The following RIC1 variants were observed in gnomAD, a reference collection of about 807,000 sequenced individuals.
The protein encoded by RIC1 is guanine nucleotide exchange factor subunit RIC1.
A neutral mutation model predicts 169.0 loss-of-function variants in RIC1; 88 were observed. The observed-to-expected ratio is 0.52, with a 90% CI of 0.44 to 0.62. The LOEUF (loss-of-function observed/expected upper bound fraction) is 0.62. Ranked by LOEUF, RIC1 falls within the 20% of genes least tolerant of loss-of-function variation. RIC1 has a pLI of 0.00. For synonymous variants in RIC1, 790 were observed against 601.5 expected, an observed-to-expected ratio of 1.31 and a Z score of -4.59; for missense variants, 1,877 against 1,725.5, an observed-to-expected ratio of 1.09 and a Z score of -1.56.
At chr9:5,721,835 C>T (rs1823607508) in intron 6 of RIC1, among the ~76,000 whole-genome samples, 2 of 151,888 alleles carry the variant, frequency 1.3e-5, no homozygotes, top group South Asian at 2.1e-4. Flanking sequence ...GTGTAAATAT[C>T]CTCCCAGCTT....
intron 19 of RIC1, among the ~76,000 whole-genome samples, chr9:5,764,908 G>T (rs1826601655): frequency 6.6e-6 from 1 of 152,174 alleles, no homozygotes; most frequent in Admixed American, 6.6e-5. Context: ...AGATAGGCAG[G>T]TTAAATTTGT....
chr9:5,686,782 A>AT (rs1217677816), intron 2 of RIC1, among the ~76,000 whole-genome samples: 19 of 130,832 alleles, frequency 1.5e-4, no homozygotes, highest in Admixed American at 2.2e-4. Context: ...TATAATAATA[A>AT]AAAAAAAGAA....
intron 6 of RIC1, among the ~76,000 whole-genome samples, chr9:5,722,705 C>A (rs377393745): frequency 4.6e-5 from 7 of 152,210 alleles, no homozygotes; most frequent in African/African-American, 9.6e-5. Context: ...ATCCCTCCCC[C>A]CCTCGCCCCA....
intron 2 of RIC1, among the ~76,000 whole-genome samples, chr9:5,668,241 A>G (rs1037555748): frequency 1.3e-5 from 2 of 151,922 alleles, no homozygotes; most frequent in Non-Finnish European, 2.9e-5. Context: ...CCCATGACAC[A>G]GGGGATTATG....
At chr9:5,714,166 C>T (rs1823099545) in intron 4 of RIC1, among the ~76,000 whole-genome samples, 163 bp downstream of exon 4, 1 of 152,164 alleles carries the variant, frequency 6.6e-6, no homozygotes, top group South Asian at 2.1e-4. Context: ...GGAAGTTTTA[C>T]AGATGGCACT....
In RIC1 at chr9:5,673,798, A is replaced by G. The variant is rs1820271028; in HGVS notation, c.253-16161A>G. ...GAAAATGATAAAAGTTCCTGTATATATTTATCAGTTTAAAAATTTACTCAT... is the reference window on the plus strand; with the variant it reads ...GAAAATGATAAAAGTTCCTGTATATGTTTATCAGTTTAAAAATTTACTCAT... On this transcript the variant is annotated intron_variant, in intron 2 of 25. Coordinates refer to ENST00000414202, the MANE Select transcript of RIC1 (RefSeq NM_020829.4). 3.3e-5 allele frequency among the ~76,000 whole-genome samples: 5 copies of G among 152,072 alleles called. No individual in the cohort carries two copies. The South Asian group carries it at 1.0e-3, about 32-fold the overall frequency.
At chr9:5,632,060 T>C (rs984775140) in intron 1 of RIC1, among the ~76,000 whole-genome samples, 15 of 152,218 alleles carry the variant, frequency 9.9e-5, no homozygotes, top group African/African-American at 3.6e-4. Context: ...TGTGAAGATC[T>C]ACAGGATTTT....
At chr9:5,772,465 C>T (rs10975276) in intron 23 of RIC1, 99 bp from the exon 24 acceptor site, 9 of 942,138 alleles carry the variant, frequency 9.6e-6, no homozygotes, top group African/African-American at 3.4e-5. Flanking sequence ...TTTCAAGATC[C>T]TGAGAAATCA....
At chr9:5,686,021 A>G (rs1338642253) in intron 2 of RIC1, among the ~76,000 whole-genome samples, 19 of 152,130 alleles carry the variant, frequency 1.2e-4, no homozygotes, top group Middle Eastern at 3.4e-3. Context: ...AAAACACATG[A>G]AAAAATGCTC....
intron 3 of RIC1, among the ~76,000 whole-genome samples, chr9:5,710,338 T>TGA (rs1822857677): frequency 1.3e-5 from 2 of 152,168 alleles, no homozygotes; most frequent in African/African-American, 4.8e-5. Flanking sequence ...AACAGAAGAG[T>TGA]GAGATGCTAA....
intron 8 of RIC1, among the ~76,000 whole-genome samples, chr9:5,739,390 A>C (rs543822150): frequency 6.6e-6 from 1 of 152,130 alleles, no homozygotes; most frequent in Non-Finnish European, 1.5e-5. Context: ...AGCCTGATCC[A>C]ACTCTGTGTA....
At chr9:5,735,801 T>C (rs967472295) in intron 7 of RIC1, among the ~76,000 whole-genome samples, 2 of 152,340 alleles carry the variant, frequency 1.3e-5, no homozygotes, top group Non-Finnish European at 1.5e-5. Flanking sequence ...ATTACTAGAT[T>C]CTGGTTACAC....
chr9:5,763,965 A>G lies in RIC1; in HGVS notation c.2841+97A>G. 2 of 1,339,604 alleles carry G rather than the reference A, an allele frequency of 1.5e-6. No homozygotes were observed. The highest frequency in any genetic ancestry group is 1.0e-6 in the Non-Finnish European group (1 of 981,930). 83.0% of individuals were successfully genotyped at this position (1,339,604 alleles called of 1,614,324 possible). A position where few individuals can be genotyped will look rare whatever the true frequency, so the allele number is the denominator to read the frequency against. ...TTGACACCATGATTGTGTTTAAGGA[A>G]TTCATAGTCAAATTTTCTGTTTATA... On this transcript the variant is annotated intron_variant, in intron 19 of 25. Coordinates refer to ENST00000414202, the MANE Select transcript of RIC1 (RefSeq NM_020829.4). The surrounding 1 kb of genome is among the most constrained non-coding windows in gnomAD (Gnocchi z 5.2).
intron 2 of RIC1, among the ~76,000 whole-genome samples, chr9:5,671,377 C>A (rs1004844202): frequency 6.6e-6 from 1 of 151,828 alleles, no homozygotes; most frequent in Non-Finnish European, 1.5e-5. Flanking sequence ...CAGGTTCAAG[C>A]AGTTCTCCCT....
At chr9:5,666,499 T>G (rs1034987230) in intron 2 of RIC1, among the ~76,000 whole-genome samples, 5 of 152,220 alleles carry the variant, frequency 3.3e-5, no homozygotes, top group Non-Finnish European at 7.3e-5. Context: ...CTGTCACCAT[T>G]GAGTATAATG....
Position 5,763,178 on chromosome 9 carries a change from T to G in RIC1, c.2151T>G (p.Val717=), listed in dbSNP as rs1826452343. The change falls in exon 19 of 26, where the codon GTT becomes GTG. Residue 717 remains valine, a synonymous_variant. Coordinates refer to ENST00000414202, the MANE Select transcript of RIC1 (RefSeq NM_020829.4). The surrounding 1 kb of genome is among the most constrained non-coding windows in gnomAD (Gnocchi z 5.2). ...FCPPVVLAQS[V]ENVWTTCRAN... ...CTCCTGTTGTACTAGCCCAGTCTGTTGAAAATGTCTGGACAACGTGTCGAG... is the reference window on the plus strand; with the variant it reads ...CTCCTGTTGTACTAGCCCAGTCTGTGGAAAATGTCTGGACAACGTGTCGAG... 1 of 1,614,016 alleles carries G rather than the reference T, an allele frequency of 6.2e-7. No individual in the cohort carries two copies. Among genetic ancestry groups the G allele is most frequent in the African/African-American group, 1.3e-5 (1 of 74,914 alleles).
chr9:5,760,713 A>G (rs2131080887), intron 17 of RIC1, among the ~76,000 whole-genome samples: 1 of 152,316 alleles, frequency 6.6e-6, no homozygotes, highest in Non-Finnish European at 1.5e-5. Context: ...TTCTGGATAG[A>G]TAACCAATTT....
Position 5,765,471 on chromosome 9 carries a change from C to G in RIC1, c.2899C>G (p.Leu967Val). 2 of 1,614,184 alleles carry G rather than the reference C, an allele frequency of 1.2e-6. No homozygotes were observed. Among genetic ancestry groups the G allele is most frequent in the Non-Finnish European group, 1.7e-6 (2 of 1,180,008 alleles). Residue 967 changes from leucine to valine, a missense_variant, in exon 20 of 26, where the codon CTA becomes GTA. Leu to Val is a conservative substitution (Grantham distance 32, BLOSUM62 1). Around this residue, in one of 3 missense-constraint regions of RIC1, gnomAD observed 681 missense variants for 582.0 expected, o/e 1.17. Coordinates refer to ENST00000414202, the MANE Select transcript of RIC1 (RefSeq NM_020829.4). ...QHATLLFNTA[L>V]EQGKWDLCRH... ...TGCTACCCTTCTATTCAACACAGCA[C>G]TAGAACAAGGCAAGTGGGACCTTTG...
At chr9:5,645,105 A>T (rs1818438718) in intron 1 of RIC1, among the ~76,000 whole-genome samples, 1 of 152,144 alleles carries the variant, frequency 6.6e-6, no homozygotes, top group African/African-American at 2.4e-5. Flanking sequence ...TTTAAAAAAA[A>T]AACAGTGATC....
Sources: allele counts gnomAD v4.1 joint callset (sites outside exome capture counted in the v4.1 genomes callset), GRCh38; gene constraint gnomAD v4.1.1; regional missense constraint gnomAD v4.1.1; non-coding constraint Gnocchi (gnomAD v3.1); transcripts MANE v1.5; gene names NCBI Gene and HGNC (gene_info 2026-07-23, HGNC 2026-07-21).